ZNF814: variants seen among roughly 807,000 people sequenced by gnomAD.
ZNF814 encodes zinc finger protein 814.
ZNF814 carries 5 observed loss-of-function variants against 7.5 expected under a neutral mutation model. That is an observed-to-expected ratio of 0.67 (90% CI 0.35 to 1.40). ZNF814 has a LOEUF of 1.40. Ranked by LOEUF, ZNF814 falls within the 40% of genes most tolerant of loss-of-function variation. The probability of loss-of-function intolerance (pLI) is 0.04; values close to 1 mark genes in which losing one functional copy is unlikely to be tolerated. For synonymous variants in ZNF814, 315 were observed against 340.7 expected (o/e 0.92, Z 0.83); for missense variants, 962 against 1,018.0 (o/e 0.94, Z 0.75).
At chr19:57,901,703 T>TG in the ZNF814 span, 398,730 of 398,734 alleles carry the variant, frequency 1, 199,363 homozygotes, top group Middle Eastern at 1. Context: ...CTGGCACAGA[T>TG]GCAGAGGACA....
At chr19:57,877,862 A>T (rs184359454) in intron 1 of ZNF814, among the ~76,000 whole-genome samples, 34 of 152,254 alleles carry the variant, frequency 2.2e-4, no homozygotes, top group African/African-American at 8.2e-4. Flanking sequence ...ATCAAGAGCA[A>T]TCTACAAATC....
At chr19:57,900,089 A>G in the ZNF814 span, among the ~76,000 whole-genome samples, 1 of 152,142 alleles carries the variant, frequency 6.6e-6, no homozygotes, top group Non-Finnish European at 1.5e-5. Context: ...GCCCCTAATG[A>G]AGGGGCCATT....
rs1170060445 is a variant in ZNF814 at position 57,872,264 on chromosome 19, A to G, written c.*558T>C. On this transcript the variant is annotated 3_prime_UTR_variant, in exon 3 of 3. Transcript: ENST00000435989. ...AAGAAATAACATTCCATATACATCT[A>G]TGGTGTTTTTCTCATGTCAATGTTT... is the stretch of plus-strand genomic sequence containing the variant. 1.3e-5 allele frequency among the ~76,000 whole-genome samples: 2 copies of G among 152,204 alleles called. No individual in the cohort carries two copies. The highest frequency in any genetic ancestry group is 6.5e-5 in the Admixed American group (1 of 15,282).
rs1283373873 is a variant in ZNF814 at position 57,876,899 on chromosome 19, G to A, written c.163+17C>T. On this transcript the variant is annotated intron_variant, in intron 2 of 2. Transcript: ENST00000435989. The stretch of plus-strand genomic sequence containing the variant: ...CAGAGACTAGCTCAGGTCACAGGGT[G>A]AGTGTGAGCAACTTACCCAGGGAGG... The A allele has an allele frequency of 3.1e-6, 5 of 1,613,872 alleles. No homozygotes were observed. The highest frequency in any genetic ancestry group is 4.2e-6 in the Non-Finnish European group (5 of 1,179,906).
At chr19:57,905,032 A>G in the ZNF814 span, among the ~76,000 whole-genome samples, 7 of 131,428 alleles carry the variant, frequency 5.3e-5, no homozygotes, top group African/African-American at 2.0e-4. Flanking sequence ...GGGCAACAAG[A>G]GTGAAACTCC....
chr19:57,892,831 C>T (rs1032457348), upstream of ZNF814, among the ~76,000 whole-genome samples: 4 of 152,182 alleles, frequency 2.6e-5, no homozygotes, highest in Non-Finnish European at 4.4e-5. Flanking sequence ...CTTTCCCTTT[C>T]TTATCTTTTC....
At position 57,873,693 on chromosome 19, in the gene ZNF814, TG is replaced by T; in HGVS notation, c.1696del (p.His566IlefsTer347). The T allele has an allele frequency of 6.2e-7, 1 of 1,613,898 alleles. No homozygotes were observed. The highest frequency in any genetic ancestry group is 8.5e-7 in the Non-Finnish European group (1 of 1,179,936). ...SFSHKGTLIL[H>X]QRVHPRERSY... ...TCTTTCTCTAGGGTGAACTCGCTGA[TG>T]TAGAATGAGGGTGCCTTTATGACTA... On this transcript the variant is annotated frameshift_variant, in exon 3 of 3. Transcript: ENST00000435989. LOFTEE classifies it low-confidence loss of function (END_TRUNC).
chr19:57,887,890 C>T (rs1465964232), intron 1 of ZNF814, among the ~76,000 whole-genome samples: 3 of 152,178 alleles, frequency 2.0e-5, no homozygotes, highest in Non-Finnish European at 1.5e-5. Flanking sequence ...GGTACCTTGC[C>T]TTTTTGTAAC....
Position 57,875,332 on chromosome 19 carries a change from T to C in ZNF814, c.164-106A>G, listed in dbSNP as rs1453637771. The stretch of plus-strand genomic sequence containing the variant: ...CTGAGGAATTACTCCAAGGAACTAC[T>C]TGGAGGAACAGGATGTTGGCTTCAG... On this transcript the variant is annotated intron_variant, in intron 2 of 2. Transcript: ENST00000435989. 21 of 1,609,126 alleles carry C rather than the reference T, an allele frequency of 1.3e-5. No individual in the cohort carries two copies. The Admixed American group carries it at 3.2e-4, about 25-fold the overall frequency.
rs1190366113 is a variant in ZNF814, at chr19:57,872,760, GA to G, written c.*61del. ...CATTCATATGGCCTTTCTCCAGTGT[GA>G]ACTCTCTGGTGTGCAATGAGGTGGT... On this transcript the variant is annotated 3_prime_UTR_variant, in exon 3 of 3. Transcript: ENST00000435989. 1.8e-5 allele frequency: 29 copies of G among 1,607,670 alleles called. No individual in the cohort carries two copies. Among genetic ancestry groups the G allele is most frequent in the Middle Eastern group, 1.7e-4 (1 of 6,044 alleles).
chr19:57,872,901 C>T lies in ZNF814; in HGVS notation c.2489G>A (p.Cys830Tyr), dbSNP rs762083638. ...GTTAAATAATTTCCCACATTTCTCA[C>T]ATTTATAAGGCTTTTCTCCAGTGTG... ...RVHTGEKPYKCEKCGKLFNKK... is the reference protein window; with the variant it reads ...RVHTGEKPYKYEKCGKLFNKK... Residue 830 changes from cysteine to tyrosine, a missense_variant, in exon 3 of 3, where the codon TGT becomes TAT. Physicochemically the swap from Cys to Tyr is radical, Grantham distance 194. Coordinates refer to ENST00000435989, the MANE Select transcript of ZNF814 (RefSeq NM_001144989.2). 1.2e-5 allele frequency: 19 copies of T among 1,613,166 alleles called. No homozygotes were observed. The highest frequency in any genetic ancestry group is 1.6e-5 in the Non-Finnish European group (19 of 1,179,734).
Position 57,873,924 on chromosome 19 carries a change from T to C in ZNF814, c.1466A>G (p.Glu489Gly), listed in dbSNP as rs779479859. Residue 489 changes from glutamate to glycine, a missense_variant, in exon 3 of 3, where the codon GAA becomes GGA. Transcript: ENST00000435989. The part of the protein sequence containing the change: ...LVHHQRVHSG[E>G]RPYQCGECGK... ...ACATTCTCCACACTGATAAGGTCTTTCTCCACTGTGAACTCGCTGATGGTG... is the reference window on the plus strand; with the variant it reads ...ACATTCTCCACACTGATAAGGTCTTCCTCCACTGTGAACTCGCTGATGGTG... The C allele has an allele frequency of 6.2e-7, 1 of 1,613,840 alleles. No individual in the cohort carries two copies. The highest frequency in any genetic ancestry group is 8.5e-7 in the Non-Finnish European group (1 of 1,179,896).
upstream of ZNF814, among the ~76,000 whole-genome samples, chr19:57,892,771 A>C (rs1435167675): frequency 6.6e-6 from 1 of 152,146 alleles, no homozygotes; most frequent in African/African-American, 2.4e-5. Flanking sequence ...TGGCCTCTCT[A>C]AGCTCCTGGC....
chr19:57,877,074 C>G, intron 1 of ZNF814, 32 bp from the exon 2 acceptor site: 1 of 1,612,344 alleles, frequency 6.2e-7, no homozygotes, highest in Non-Finnish European at 8.5e-7. Flanking sequence ...AAACTACAAA[C>G]TGCCCCTATG....
intron 1 of ZNF814, chr19:57,885,797 G>A (rs2071686821): frequency 6.6e-6 from 1 of 151,698 alleles, no homozygotes; most frequent in South Asian, 2.1e-4. Context: ...AACAAAAAGA[G>A]TATAATTGGA....
At chr19:57,888,083 C>T (rs539992613) in intron 1 of ZNF814, among the ~76,000 whole-genome samples, 1 of 152,326 alleles carries the variant, frequency 6.6e-6, no homozygotes, top group Admixed American at 6.5e-5. Context: ...TCTCTTTGGC[C>T]GCCAGCTGAA....
chr19:57,873,578 A>G lies in ZNF814; in HGVS notation c.1812T>C (p.Tyr604=), dbSNP rs1313420227. The part of the protein sequence containing the change: ...HQRVHTGERP[Y]ECGECGKSFS... ...AAGATTTCCCACATTCTCCACACTC[A>G]TAAGGCCTCTCTCCAGTATGAACGC... The change falls in exon 3 of 3, where the codon TAT becomes TAC. Residue 604 remains tyrosine, a synonymous_variant. Transcript: ENST00000435989. 1.9e-6 allele frequency: 3 copies of G among 1,613,086 alleles called. No individual in the cohort carries two copies. Among genetic ancestry groups the G allele is most frequent in the East Asian group, 2.2e-5 (1 of 44,750 alleles).
At chr19:57,896,173 CA>C in the ZNF814 span, among the ~76,000 whole-genome samples, 1,051 of 69,288 alleles carry the variant, frequency 0.015, 5 homozygotes, top group East Asian at 0.064. This position sits in a 1 kb window ranked among gnomAD's most constrained non-coding sequence, Gnocchi z 4.2. Flanking sequence ...GACTCCATCT[CA>C]AAAAAAAAAA....
At chr19:57,895,316 C>T in the ZNF814 span, among the ~76,000 whole-genome samples, 3 of 150,232 alleles carry the variant, frequency 2.0e-5, no homozygotes, top group Admixed American at 1.3e-4. Context: ...CACTCTGTTG[C>T]CCAGGCTGGA....
Sources: gnomAD v4.1 joint callset for allele counts (sites outside exome capture counted in the v4.1 genomes callset) on GRCh38, gnomAD v4.1.1 for gene constraint, Gnocchi (gnomAD v3.1) non-coding constraint, MANE v1.5 for transcripts, NCBI Gene and HGNC (gene_info 2026-07-23, HGNC 2026-07-21) for gene names.